The following E2F3 variants were observed in gnomAD, a reference collection of about 807,000 sequenced individuals.
E2F3 encodes transcription factor E2F3.
A neutral mutation model predicts 44.4 loss-of-function variants in E2F3; 11 were observed. The ratio of observed to expected loss-of-function variants is 0.25; its 90% CI spans 0.16 to 0.41. The LOEUF is 0.41. Ranked by LOEUF, E2F3 falls within the 10% of genes least tolerant of loss-of-function variation. E2F3 has a pLI of 1.00. For missense variants in E2F3, 487 were observed against 583.6 expected (o/e 0.83, Z 1.70); for synonymous variants, 249 against 253.0 (o/e 0.98, Z 0.15).
At chr6:20,422,457 A>T (rs1760060367) in intron 1 of E2F3, among the ~76,000 whole-genome samples, 1 of 152,198 alleles carries the variant, frequency 6.6e-6, no homozygotes, top group South Asian at 2.1e-4. Flanking sequence ...ACCATGTTTA[A>T]TGTCCTTCAA....
At chr6:20,421,760 ATGCCGAACTTAG>A (rs1186838813) in intron 1 of E2F3, 2 of 152,302 alleles carry the variant, frequency 1.3e-5, no homozygotes, top group Non-Finnish European at 2.9e-5. Flanking sequence ...CGCCATATTG[ATGCCGAACTTAG>A]TGCGGACACC....
intron 1 of E2F3, among the ~76,000 whole-genome samples, chr6:20,443,703 A>G (rs537310947): frequency 1.2e-4 from 19 of 152,266 alleles, no homozygotes; most frequent in South Asian, 4.1e-4. Flanking sequence ...TTAAGCTGGT[A>G]TTCCCATTCT....
chr6:20,441,717 C>T (rs894236950), intron 1 of E2F3, among the ~76,000 whole-genome samples: 11 of 140,658 alleles, frequency 7.8e-5, no homozygotes, highest in Non-Finnish European at 1.4e-4. Flanking sequence ...TGAGATCACG[C>T]GTGGGTAATT....
intron 1 of E2F3, among the ~76,000 whole-genome samples, chr6:20,451,703 C>T (rs921861534): frequency 2.0e-5 from 3 of 152,060 alleles, no homozygotes; most frequent in African/African-American, 4.8e-5. Flanking sequence ...GATTTGTCAT[C>T]GATGGCTCTT....
At chr6:20,471,638 C>T (rs1022322737) in intron 1 of E2F3, among the ~76,000 whole-genome samples, 2 of 152,124 alleles carry the variant, frequency 1.3e-5, no homozygotes, top group African/African-American at 4.8e-5. Flanking sequence ...ATTCAAGAAA[C>T]AGGCTGTGCT....
At chr6:20,474,511 A>G (rs1761986227) in intron 1 of E2F3, among the ~76,000 whole-genome samples, 1 of 152,178 alleles carries the variant, frequency 6.6e-6, no homozygotes, top group African/African-American at 2.4e-5. Flanking sequence ...GGTAGGGGCC[A>G]TGTAATGTAA....
intron 6 of E2F3, 75 bp downstream of exon 6, chr6:20,488,323 C>G (rs1308751646): frequency 2.0e-6 from 3 of 1,468,958 alleles, no homozygotes; most frequent in African/African-American, 1.4e-5. Context: ...ATTGGAACCA[C>G]AAGCCTAGGC....
rs7752628 is a variant in E2F3, at chr6:20,460,054, C to T, written c.394-19792C>T. Among the ~76,000 whole-genome samples the T allele has an allele frequency of 7.5e-3, 1,137 of 152,268 alleles. 14 individuals carry two copies. The highest frequency in any genetic ancestry group is 0.026 in the African/African-American group (1,081 of 41,556). ...CATTGCTCACTTCTTTTCTCTCATC[C>T]GCTCATTCATTCTTTCACTAAATGT... is the stretch of plus-strand genomic sequence containing the variant. On this transcript the variant is annotated intron_variant, in intron 1 of 6. Transcript: ENST00000346618.
rs1480751873 is a variant in E2F3 at position 20,402,683 on chromosome 6, C to T, written c.393+58C>T. ...CGGCGGGAGGTGGGCTCGCACCGCG[C>T]GGGGTCGTGGGCGCGCTGCGGGCCG... On this transcript the variant is annotated intron_variant, in intron 1 of 6. Coordinates refer to ENST00000346618, the MANE Select transcript of E2F3 (RefSeq NM_001949.5). The surrounding 1 kb of genome is among the most constrained non-coding windows in gnomAD (Gnocchi z 5.6). The T allele has an allele frequency of 2.3e-6, 3 of 1,284,040 alleles. No homozygotes were observed. The highest frequency in any genetic ancestry group is 2.9e-4 in the Middle Eastern group (1 of 3,416). 79.5% of individuals were successfully genotyped at this position (1,284,040 alleles called of 1,614,324 possible). A position where few individuals can be genotyped will look rare whatever the true frequency, so the allele number is the denominator to read the frequency against.
intron 1 of E2F3, among the ~76,000 whole-genome samples, chr6:20,407,560 A>G (rs977742160): frequency 7.2e-5 from 11 of 152,220 alleles, no homozygotes; most frequent in Non-Finnish European, 2.9e-5. Context: ...AGACGGGGTG[A>G]AAGCTTTTAT....
chr6:20,445,150 A>C, intron 1 of E2F3: 1 of 985,342 alleles, frequency 1.0e-6, no homozygotes, highest in Non-Finnish European at 1.2e-6. Flanking sequence ...CCCTAGTGGC[A>C]GCAGCGCCTT....
chr6:20,424,537 G>A (rs1356354285), intron 1 of E2F3, among the ~76,000 whole-genome samples: 2 of 152,026 alleles, frequency 1.3e-5, no homozygotes, highest in Non-Finnish European at 2.9e-5. Context: ...TTTGAATACA[G>A]TAGCTTTGTG....
chr6:20,404,021 C>A (rs1327942839), intron 1 of E2F3, among the ~76,000 whole-genome samples: 1 of 152,136 alleles, frequency 6.6e-6, no homozygotes, highest in African/African-American at 2.4e-5. Context: ...GTTCTAGGAA[C>A]CTCGGGGCGG....
intron 1 of E2F3, among the ~76,000 whole-genome samples, chr6:20,476,120 C>T (rs1469527937): frequency 6.6e-6 from 1 of 152,008 alleles, no homozygotes; most frequent in Non-Finnish European, 1.5e-5. Flanking sequence ...GCCTGTAATC[C>T]CAGCACTTGA....
chr6:20,452,797 CA>C (rs531039399), intron 1 of E2F3, among the ~76,000 whole-genome samples: 1 of 151,882 alleles, frequency 6.6e-6, no homozygotes, highest in Non-Finnish European at 1.5e-5. Context: ...ACTGAAAATA[CA>C]AAAAAATTAG....
intron 1 of E2F3, among the ~76,000 whole-genome samples, chr6:20,415,111 G>A (rs1427676398): frequency 6.6e-6 from 1 of 152,170 alleles, no homozygotes; most frequent in African/African-American, 2.4e-5. Context: ...TATTGGACAG[G>A]CTCTTACTGA....
intron 1 of E2F3, among the ~76,000 whole-genome samples, chr6:20,413,563 A>C (rs1017233777): frequency 6.6e-6 from 1 of 152,164 alleles, no homozygotes; most frequent in African/African-American, 2.4e-5. Context: ...TGAAACAAGA[A>C]GTGGTTTCTT....
intron 1 of E2F3, among the ~76,000 whole-genome samples, chr6:20,435,735 G>C (rs772186609): frequency 6.6e-6 from 1 of 152,092 alleles, no homozygotes; most frequent in Non-Finnish European, 1.5e-5. Flanking sequence ...TGGCGACAGA[G>C]GGAGACTCCG....
intron 4 of E2F3, among the ~76,000 whole-genome samples, chr6:20,484,946 C>A (rs1331210385): frequency 1.4e-5 from 2 of 146,696 alleles, no homozygotes; most frequent in Non-Finnish European, 3.0e-5. Flanking sequence ...GAGTGGGAGT[C>A]CGTCTCAAAA....
Sources: gnomAD v4.1 joint callset for allele counts (sites outside exome capture counted in the v4.1 genomes callset) on GRCh38, gnomAD v4.1.1 for gene constraint, Gnocchi (gnomAD v3.1) non-coding constraint, MANE v1.5 for transcripts, NCBI Gene and HGNC (gene_info 2026-07-23, HGNC 2026-07-21) for gene names.